GRID2: variants seen among roughly 807,000 people sequenced by gnomAD.
The protein encoded by GRID2 is glutamate receptor ionotropic, delta-2.
In GRID2, 33 loss-of-function variants were observed where a neutral mutation model predicts 114.8. The observed-to-expected ratio is 0.29, with a 90% CI of 0.22 to 0.38. GRID2 has a LOEUF of 0.38. Among genes scored for constraint, GRID2 ranks in the 10% least tolerant of loss-of-function variants. The pLI is 1.00. For missense variants in GRID2, 1,184 were observed against 1,257.7 expected, an observed-to-expected ratio of 0.94 and a Z score of 0.89; for synonymous variants, 505 against 449.9, an observed-to-expected ratio of 1.12 and a Z score of -1.55.
chr4:93,608,634 C>T (rs1456362627), intron 13 of GRID2, among the ~76,000 whole-genome samples: 8 of 139,598 alleles, frequency 5.7e-5, no homozygotes, highest in Non-Finnish European at 9.6e-5. Flanking sequence ...CTACAAAGGA[C>T]ATGAACTCAT....
chr4:92,370,287 A>G (rs1235373965), intron 1 of GRID2, among the ~76,000 whole-genome samples: 1 of 152,218 alleles, frequency 6.6e-6, no homozygotes, highest in East Asian at 1.9e-4. Flanking sequence ...TGACTGCTCC[A>G]CATTCCAGAC....
chr4:92,466,513 C>T (rs940940929), intron 1 of GRID2, among the ~76,000 whole-genome samples: 3 of 151,448 alleles, frequency 2.0e-5, no homozygotes, highest in African/African-American at 7.3e-5. Flanking sequence ...TCTCATGTAC[C>T]CCATACATAC....
chr4:92,422,748 G>C (rs1465855816), intron 1 of GRID2, among the ~76,000 whole-genome samples: 2 of 152,146 alleles, frequency 1.3e-5, no homozygotes, highest in Non-Finnish European at 2.9e-5. Flanking sequence ...GCCTCCAGCT[G>C]CATTACTCCT....
chr4:92,515,153 G>T (rs1724440749), intron 1 of GRID2, among the ~76,000 whole-genome samples: 1 of 151,790 alleles, frequency 6.6e-6, no homozygotes, highest in Admixed American at 6.6e-5. Flanking sequence ...TACTTCATTT[G>T]TAGTTTTTAA....
At chr4:93,335,158 ATACT>A (rs1758917398) in intron 8 of GRID2, among the ~76,000 whole-genome samples, 1 of 152,178 alleles carries the variant, frequency 6.6e-6, no homozygotes, top group Non-Finnish European at 1.5e-5. Flanking sequence ...TTTATAACTA[ATACT>A]TAATTAGCAA....
At chr4:92,811,134 A>G (rs1485252485) in intron 2 of GRID2, among the ~76,000 whole-genome samples, 1 of 152,168 alleles carries the variant, frequency 6.6e-6, no homozygotes, top group African/African-American at 2.4e-5. Context: ...TAAATCTTAG[A>G]GCATTTAGGT....
intron 12 of GRID2, among the ~76,000 whole-genome samples, chr4:93,493,914 T>C (rs1179127323): frequency 1.3e-5 from 2 of 151,810 alleles, no homozygotes; most frequent in Non-Finnish European, 2.9e-5. Context: ...AATCTCTACT[T>C]CCTTGTAATA....
At position 92,982,503 on chromosome 4, in the gene GRID2, C is replaced by G. The variant is rs1479129922; in HGVS notation, c.245-102492C>G. On this transcript the variant is annotated intron_variant, in intron 2 of 15. Coordinates refer to ENST00000282020, the MANE Select transcript of GRID2 (RefSeq NM_001510.4). ...ATCATCAGAATAATTCTTCACACTT[C>G]CCATTTTATCAGTTTACACACCTGA... Among the ~76,000 whole-genome samples, 5 of 152,162 alleles carry G rather than the reference C, an allele frequency of 3.3e-5. No homozygotes were observed. In the South Asian group the frequency reaches 6.2e-4, roughly 19 times the overall value.
chr4:92,518,277 T>G (rs1276935138), intron 1 of GRID2, among the ~76,000 whole-genome samples: 1 of 152,000 alleles, frequency 6.6e-6, no homozygotes, highest in South Asian at 2.1e-4. Context: ...GGCTTATTGC[T>G]ACTATAAATT....
chr4:92,931,048 TAA>T (rs1284859191), intron 2 of GRID2, among the ~76,000 whole-genome samples: 1 of 150,942 alleles, frequency 6.6e-6, no homozygotes, highest in Non-Finnish European at 1.5e-5. Flanking sequence ...ATAAACCTGA[TAA>T]AGACATAACA....
At chr4:92,757,604 G>C (rs919266360) in intron 2 of GRID2, among the ~76,000 whole-genome samples, 5 of 152,028 alleles carry the variant, frequency 3.3e-5, no homozygotes, top group Non-Finnish European at 2.9e-5. Context: ...TTCAAGTCAT[G>C]AGAACAGATA....
rs75815910 is a variant in GRID2, at chr4:93,343,491, A to G, written c.1246-52116A>G. 7.1e-3 allele frequency among the ~76,000 whole-genome samples: 1,085 copies of G among 152,236 alleles called. 9 individuals are homozygous for G. Among genetic ancestry groups the G allele is most frequent in the African/African-American group, 0.025 (1,039 of 41,560 alleles). The stretch of plus-strand genomic sequence containing the variant: ...TTATTTCCCAAGATGTTCAAAAAAG[A>G]TACAGTGAAAGGGCATTGGGAAATA... On this transcript the variant is annotated intron_variant, in intron 8 of 15. Coordinates refer to ENST00000282020, the MANE Select transcript of GRID2 (RefSeq NM_001510.4).
chr4:93,251,970 A>G (rs955961457), intron 8 of GRID2, among the ~76,000 whole-genome samples: 1 of 152,142 alleles, frequency 6.6e-6, no homozygotes, highest in Non-Finnish European at 1.5e-5. Context: ...AAAATAGAGC[A>G]ATTTATATTC....
chr4:93,088,925 A>G (rs534060948), intron 3 of GRID2, among the ~76,000 whole-genome samples: 6 of 152,136 alleles, frequency 3.9e-5, no homozygotes, highest in African/African-American at 1.4e-4. Flanking sequence ...GCAATAAACT[A>G]TCACCCAAGA....
chr4:93,637,195 GAC>G (rs1240248876), intron 14 of GRID2, among the ~76,000 whole-genome samples: 5 of 152,120 alleles, frequency 3.3e-5, no homozygotes, highest in African/African-American at 4.8e-5. Context: ...CTATGCTGTA[GAC>G]TAAAATAGTA....
intron 13 of GRID2, among the ~76,000 whole-genome samples, chr4:93,594,589 G>T (rs1271575384): frequency 6.6e-6 from 1 of 152,178 alleles, no homozygotes. Flanking sequence ...CACCCAGTTC[G>T]AGCTTCCAGG....
intron 2 of GRID2, among the ~76,000 whole-genome samples, chr4:92,789,983 G>A (rs774503555): frequency 1.3e-5 from 2 of 151,856 alleles, no homozygotes; most frequent in Non-Finnish European, 2.9e-5. Context: ...CAGTGCAAAA[G>A]ACTCAGATGG....
intron 2 of GRID2, among the ~76,000 whole-genome samples, chr4:92,592,105 C>A (rs1296467301): frequency 6.6e-6 from 1 of 151,362 alleles, no homozygotes. Flanking sequence ...TTGAAGATAC[C>A]AAATCATTTT....
At chr4:92,760,257 A>AG (rs1560576564) in intron 2 of GRID2, among the ~76,000 whole-genome samples, 1 of 151,038 alleles carries the variant, frequency 6.6e-6, no homozygotes, top group Admixed American at 6.6e-5. Context: ...AAAAAAAAAA[A>AG]AAAAGAAAAG....
Sources: allele counts gnomAD v4.1 joint callset (sites outside exome capture counted in the v4.1 genomes callset), GRCh38; gene constraint gnomAD v4.1.1; transcripts MANE v1.5; gene names NCBI Gene and HGNC (gene_info 2026-07-23, HGNC 2026-07-21).